Variants in CD5L observed in about 807,000 individuals in gnomAD.
CD5L encodes CD5 molecule like.
CD5L carries 39 observed loss-of-function variants against 40.8 expected under a neutral mutation model. The observed-to-expected ratio is 0.96, with a 90% confidence interval of 0.74 to 1.25. The LOEUF (loss-of-function observed/expected upper bound fraction) is 1.25, where lower values mean the gene tolerates loss of function less well. CD5L is among the 50% of genes most tolerant of loss of function. The probability of loss-of-function intolerance (pLI) is 0.00; values close to 1 mark genes in which losing one functional copy is unlikely to be tolerated. For synonymous variants in CD5L, 192 were observed against 169.6 expected, an observed-to-expected ratio of 1.13 and a Z score of -1.03; for missense variants, 433 against 435.9, an observed-to-expected ratio of 0.99 and a Z score of 0.06.
In CD5L at chr1:157,839,862, C is replaced by T. The variant is rs550716443; in HGVS notation, c.29-452G>A. ...AGGGGCAGGATATGCCTGTGTTCAT[C>T]GGCACAGCATTTAGACCAGGTAAGC... On this transcript the variant is annotated intron_variant, in intron 1 of 5. Transcript: ENST00000368174. Among the ~76,000 whole-genome samples, 15 of 152,220 alleles carry T rather than the reference C, an allele frequency of 9.9e-5. 1 individual carries two copies. The South Asian group carries it at 1.2e-3, about 13-fold the overall frequency.
Position 157,831,323 on chromosome 1 carries a change from C to T in CD5L, c.*641G>A, listed in dbSNP as rs189680766. The T allele has an allele frequency of 2.5e-5, 25 of 985,174 alleles. No homozygotes were observed. In the Admixed American group the frequency reaches 9.2e-4, roughly 36 times the overall value. 61.0% of individuals were successfully genotyped at this position (985,174 alleles called of 1,614,324 possible). A position where few individuals can be genotyped will look rare whatever the true frequency, so the allele number is the denominator to read the frequency against. ...AGAGGATGAAACATCATTTTTTACA[C>T]GTCATGAAAAGGTCTAGGATTATAG... On this transcript the variant is annotated 3_prime_UTR_variant, in exon 6 of 6. Transcript: ENST00000368174.
In CD5L at chr1:157,834,534, G is replaced by GC. The variant is rs1217790603; in HGVS notation, c.590dup (p.Arg198ProfsTer34). Reference sequence around the variant, plus strand: ...TCTGGCTCAGCCAGATGGGTTTTCGGCCATAGGCATGCTTGTTGCAGCGTT... The same window carrying GC: ...TCTGGCTCAGCCAGATGGGTTTTCGGCCCATAGGCATGCTTGTTGCAGCGTT... On this transcript the variant is annotated frameshift_variant, in exon 4 of 6. Coordinates refer to ENST00000368174, the MANE Select transcript of CD5L (RefSeq NM_005894.3). LOFTEE classifies it high-confidence loss of function. The GC allele has an allele frequency of 6.2e-7, 1 of 1,614,046 alleles. No individual in the cohort carries two copies. Among genetic ancestry groups the GC allele is most frequent in the Non-Finnish European group, 8.5e-7 (1 of 1,180,040 alleles).
chr1:157,831,712 G>A lies in CD5L; in HGVS notation c.*252C>T, dbSNP rs1054726383. 33 of 1,247,142 alleles carry A rather than the reference G, an allele frequency of 2.6e-5. No individual in the cohort carries two copies. The Admixed American group carries it at 3.6e-4, about 14-fold the overall frequency. 77.3% of individuals were successfully genotyped at this position (1,247,142 alleles called of 1,614,324 possible). ...GCCAGAACCAGTGTCAAAGGGTCAG[G>A]GTTGAGCACAGGATACATGGAAGCT... On this transcript the variant is annotated 3_prime_UTR_variant, in exon 6 of 6. Coordinates refer to ENST00000368174, the MANE Select transcript of CD5L (RefSeq NM_005894.3).
chr1:157,828,797 G>T (rs1403075217), downstream of CD5L, among the ~76,000 whole-genome samples: 4 of 152,154 alleles, frequency 2.6e-5, no homozygotes, highest in African/African-American at 9.7e-5. Context: ...CTAAATGTTG[G>T]ATTAAATGTT....
At chr1:157,837,635 G>C (rs1423969385) in intron 2 of CD5L, among the ~76,000 whole-genome samples, 2 of 152,182 alleles carry the variant, frequency 1.3e-5, no homozygotes, top group Non-Finnish European at 1.5e-5. Context: ...GATGACCCAG[G>C]TTGCATGCAT....
At chr1:157,829,354 A>G (rs569382506), downstream of CD5L, among the ~76,000 whole-genome samples, 1 of 152,256 alleles carries the variant, frequency 6.6e-6, no homozygotes, top group Non-Finnish European at 1.5e-5. Context: ...AAAGTTGAAG[A>G]GAGCTTTTCC....
At chr1:157,837,785 T>C (rs1181899441) in intron 2 of CD5L, among the ~76,000 whole-genome samples, 1 of 149,878 alleles carries the variant, frequency 6.7e-6, no homozygotes, top group Non-Finnish European at 1.5e-5. Context: ...TTTTTTTTTT[T>C]TTTTTTTTGA....
rs764189460 is a variant in CD5L, at chr1:157,836,049, G to A, written c.162C>T (p.Asp54=). ...QWGTVCDDGW[D]IKDVAVLCRE... ...GGCACAACACAGCCACGTCCTTAAT[G>A]TCCCAGCCGTCATCACACACGGTGC... is the stretch of plus-strand genomic sequence containing the variant. Residue 54 remains aspartate (D), a synonymous_variant, in exon 3 of 6, where the codon GAC becomes GAT. Coordinates refer to ENST00000368174, the MANE Select transcript of CD5L (RefSeq NM_005894.3). 1 of 1,614,084 alleles carries A rather than the reference G, an allele frequency of 6.2e-7. No individual in the cohort carries two copies.
intron 2 of CD5L, 21 bp from the exon 3 acceptor site, chr1:157,836,176 A>G (rs1194027314): frequency 6.3e-7 from 1 of 1,598,738 alleles, no homozygotes; most frequent in Admixed American, 1.7e-5. Context: ...ACGGGTTGTT[A>G]GCTAGAGGCC....
intron 3 of CD5L, among the ~76,000 whole-genome samples, chr1:157,835,490 A>G (rs1656185504): frequency 6.6e-6 from 1 of 152,216 alleles, no homozygotes; most frequent in African/African-American, 2.4e-5. Flanking sequence ...ATACTTTGTG[A>G]GCTCATTTCT....
chr1:157,835,936 T>C lies in CD5L; in HGVS notation c.275A>G (p.Gln92Arg). 1 of 1,614,212 alleles carries C rather than the reference T, an allele frequency of 6.2e-7. No homozygotes were observed. Among genetic ancestry groups the C allele is most frequent in the African/African-American group, 1.3e-5 (1 of 75,052 alleles). The change falls in exon 3 of 6, where the codon CAA becomes CGA. Residue 92 changes from glutamine to arginine, a missense_variant. Coordinates refer to ENST00000368174, the MANE Select transcript of CD5L (RefSeq NM_005894.3). ...TTCTGTTCCTGTGCAACTGACTGAT[T>C]GGATGAGGACCTTTTGCTCTTTTTC... The part of the protein sequence containing the change: ...PAEKEQKVLI[Q>R]SVSCTGTEDT...
chr1:157,840,684 G>A (rs772318182), intron 1 of CD5L, among the ~76,000 whole-genome samples: 1 of 152,154 alleles, frequency 6.6e-6, no homozygotes, highest in Non-Finnish European at 1.5e-5. Flanking sequence ...AGCCTGATAT[G>A]CAGGTGCAAA....
rs1199776065 is a variant in CD5L, at chr1:157,841,780, G to T, written c.-79C>A. The stretch of plus-strand genomic sequence containing the variant: ...CAAGCAGCAATATTTAGTTTTAGCT[G>T]CAAGTATGTTAAGAGGAGGGACAAA... On this transcript the variant is annotated 5_prime_UTR_variant, in exon 1 of 6. Transcript: ENST00000368174. The T allele has an allele frequency of 8.8e-6, 11 of 1,247,818 alleles. No homozygotes were observed. The highest frequency in any genetic ancestry group is 1.2e-5 in the Non-Finnish European group (10 of 859,350). 77.3% of individuals were successfully genotyped at this position (1,247,818 alleles called of 1,614,324 possible).
intron 2 of CD5L, among the ~76,000 whole-genome samples, chr1:157,839,030 T>C (rs533414345): frequency 1.3e-5 from 2 of 152,352 alleles, no homozygotes; most frequent in Admixed American, 1.3e-4. Context: ...GACCTGGATA[T>C]GCTGGAAACC....
Position 157,831,936 on chromosome 1 carries a change from G to C in CD5L, c.*28C>G. ...ACAAGCAGAGGGCAGGCGGGGCCAG[G>C]GGGGCCAGGTCAAGCAACACCAGGA... On this transcript the variant is annotated 3_prime_UTR_variant, in exon 6 of 6. Coordinates refer to ENST00000368174, the MANE Select transcript of CD5L (RefSeq NM_005894.3). 1 of 1,572,414 alleles carries C rather than the reference G, an allele frequency of 6.4e-7. No individual in the cohort carries two copies. The highest frequency in any genetic ancestry group is 2.3e-5 in the East Asian group (1 of 42,980).
Position 157,831,764 on chromosome 1 carries a change from A to G in CD5L, c.*200T>C. ...ATCTTCCCCAGCAAGAGGGAACTCAACAGCTCACATCTACAGGCAGCAATG... is the reference window on the plus strand; with the variant it reads ...ATCTTCCCCAGCAAGAGGGAACTCAGCAGCTCACATCTACAGGCAGCAATG... On this transcript the variant is annotated 3_prime_UTR_variant, in exon 6 of 6. Transcript: ENST00000368174. The G allele has an allele frequency of 7.8e-7, 1 of 1,286,410 alleles. No individual in the cohort carries two copies. The highest frequency in any genetic ancestry group is 3.0e-5 in the East Asian group (1 of 33,714). The allele number at this position is 1,286,410 out of a possible 1,614,324, so 79.7% of individuals were successfully genotyped here. A position where few individuals can be genotyped will look rare whatever the true frequency, so the allele number is the denominator to read the frequency against.
chr1:157,829,059 G>A (rs6677401), downstream of CD5L, among the ~76,000 whole-genome samples: 1,013 of 152,264 alleles, frequency 6.7e-3, 10 homozygotes, highest in African/African-American at 0.023. Context: ...TTCTCCTCTG[G>A]AAGACTTACC....
chr1:157,831,899 G>C lies in CD5L; in HGVS notation c.*65C>G. On this transcript the variant is annotated 3_prime_UTR_variant, in exon 6 of 6. Coordinates refer to ENST00000368174, the MANE Select transcript of CD5L (RefSeq NM_005894.3). Reference sequence around the variant, plus strand: ...CCCAGAATGAGTATGAGGATAATCAGGGCTCAGGAGAACAAGCAGAGGGCA... The same window carrying C: ...CCCAGAATGAGTATGAGGATAATCACGGCTCAGGAGAACAAGCAGAGGGCA... The C allele has an allele frequency of 1.3e-6, 2 of 1,537,342 alleles. No homozygotes were observed. The highest frequency in any genetic ancestry group is 1.7e-6 in the Non-Finnish European group (2 of 1,148,736).
In CD5L at chr1:157,841,753, C is replaced by T. The variant is rs546259157; in HGVS notation, c.-52G>A. 6.5e-7 allele frequency: 1 copy of T among 1,527,228 alleles called. No individual in the cohort carries two copies. The highest frequency in any genetic ancestry group is 1.7e-5 in the Admixed American group (1 of 58,596). 94.6% of individuals were successfully genotyped at this position (1,527,228 alleles called of 1,614,324 possible). A position where few individuals can be genotyped will look rare whatever the true frequency, so the allele number is the denominator to read the frequency against. On this transcript the variant is annotated 5_prime_UTR_variant, in exon 1 of 6. Transcript: ENST00000368174. ...TGAAATTTAAGGCTAGAAGGAGGTCCCCAAGCAGCAATATTTAGTTTTAGC... is the reference window on the plus strand; with the variant it reads ...TGAAATTTAAGGCTAGAAGGAGGTCTCCAAGCAGCAATATTTAGTTTTAGC...
Sources: gnomAD v4.1 joint callset for allele counts (sites outside exome capture counted in the v4.1 genomes callset) on GRCh38, gnomAD v4.1.1 for gene constraint, MANE v1.5 for transcripts, NCBI Gene and HGNC (gene_info 2026-07-23, HGNC 2026-07-21) for gene names.